Variants in MYO1B observed in about 807,000 individuals in gnomAD.
MYO1B encodes unconventional myosin-Ib.
A neutral mutation model predicts 159.7 loss-of-function variants in MYO1B; 72 were observed. The observed-to-expected ratio is 0.45, with a 90% CI of 0.37 to 0.55. The LOEUF is 0.55. Ranked by LOEUF, MYO1B falls within the 20% of genes least tolerant of loss-of-function variation. MYO1B has a pLI of 0.00. For missense variants in MYO1B, 1,062 were observed against 1,364.8 expected, an observed-to-expected ratio of 0.78 and a Z score of 3.50; for synonymous variants, 468 against 473.8, an observed-to-expected ratio of 0.99 and a Z score of 0.16.
chr2:191,348,285 G>A (rs1046491678), intron 6 of MYO1B, among the ~76,000 whole-genome samples: 3 of 151,970 alleles, frequency 2.0e-5, no homozygotes, highest in Non-Finnish European at 2.9e-5. Flanking sequence ...ATGATGTTAC[G>A]CCTACTTCAC....
At chr2:191,374,426 A>G (rs1262320540) in intron 13 of MYO1B, among the ~76,000 whole-genome samples, 3 of 152,210 alleles carry the variant, frequency 2.0e-5, no homozygotes, top group East Asian at 3.8e-4. Context: ...ACTGGACACT[A>G]AAGGGCGAGA....
intron 7 of MYO1B, among the ~76,000 whole-genome samples, chr2:191,351,188 TAAA>T (rs78654761): frequency 5.7e-5 from 8 of 139,454 alleles, no homozygotes; most frequent in Non-Finnish European, 1.1e-4. Flanking sequence ...TGTTTAGACC[TAAA>T]AAAAAAAAAA....
intron 3 of MYO1B, among the ~76,000 whole-genome samples, chr2:191,297,219 G>T (rs1689036013): frequency 6.6e-6 from 1 of 152,178 alleles, no homozygotes; most frequent in Non-Finnish European, 1.5e-5. Context: ...TTCTCCGCTT[G>T]TTGCTTAGGC....
In MYO1B at chr2:191,386,096, C is replaced by T; in HGVS notation, c.1554+12C>T. 1 of 1,613,222 alleles carries T rather than the reference C, an allele frequency of 6.2e-7. No homozygotes were observed. The highest frequency in any genetic ancestry group is 8.5e-7 in the Non-Finnish European group (1 of 1,179,462). On this transcript the variant is annotated intron_variant, in intron 16 of 30. Transcript: ENST00000392318. ...ATTATGCTGGAAAGGTATGGGGGAGCTGTGAGCACCCAGTCAGGCCTGCCA... is the reference window on the plus strand; with the variant it reads ...ATTATGCTGGAAAGGTATGGGGGAGTTGTGAGCACCCAGTCAGGCCTGCCA...
intron 1 of MYO1B, among the ~76,000 whole-genome samples, chr2:191,269,593 T>C (rs1366908559): frequency 6.6e-6 from 1 of 152,204 alleles, no homozygotes; most frequent in Non-Finnish European, 1.5e-5. Flanking sequence ...TAATGCTGGC[T>C]GAAAGGCACT....
chr2:191,360,826 C>G, intron 8 of MYO1B, 97 bp downstream of exon 8: 1 of 819,980 alleles, frequency 1.2e-6, no homozygotes, highest in Non-Finnish European at 2.0e-6. Flanking sequence ...AGGCCGGTCT[C>G]TAATTCCTGA....
At chr2:191,343,380 T>G (rs928577171) in intron 5 of MYO1B, among the ~76,000 whole-genome samples, 1 of 152,076 alleles carries the variant, frequency 6.6e-6, no homozygotes, top group Non-Finnish European at 1.5e-5. Context: ...TCCCGAACAC[T>G]GAGTATTCAC....
intron 13 of MYO1B, chr2:191,381,260 C>T: frequency 1.6e-6 from 1 of 640,016 alleles, no homozygotes; most frequent in Non-Finnish European, 2.9e-6. Flanking sequence ...TTTGTGTATA[C>T]TTCATTCATT....
At chr2:191,306,679 GAGAGGGAGAAAGGGGGATC>G (rs1276199851) in intron 3 of MYO1B, among the ~76,000 whole-genome samples, 2 of 151,986 alleles carry the variant, frequency 1.3e-5, no homozygotes, top group African/African-American at 2.4e-5. Context: ...AAGGTGAAGA[GAGAGGGAGAAAGGGGGATC>G]AGAGGGAGAA....
intron 11 of MYO1B, among the ~76,000 whole-genome samples, chr2:191,368,472 G>A (rs1004917123): frequency 2.6e-5 from 4 of 152,182 alleles, no homozygotes; most frequent in Admixed American, 6.5e-5. Context: ...CTGGGCACTC[G>A]GTGCATTTAA....
chr2:191,278,586 T>A (rs1263135535), intron 2 of MYO1B, among the ~76,000 whole-genome samples: 1 of 152,156 alleles, frequency 6.6e-6, no homozygotes, highest in Non-Finnish European at 1.5e-5. Flanking sequence ...GCTTTTGGAG[T>A]CTTAATTGGA....
intron 24 of MYO1B, among the ~76,000 whole-genome samples, chr2:191,403,477 C>G (rs1258234073): frequency 6.6e-6 from 1 of 152,120 alleles, no homozygotes; most frequent in Admixed American, 6.5e-5. Flanking sequence ...AGGAAGCCAT[C>G]CATATTGCCT....
chr2:191,327,630 G>A (rs1051829194), intron 3 of MYO1B, among the ~76,000 whole-genome samples: 3 of 152,180 alleles, frequency 2.0e-5, no homozygotes, highest in African/African-American at 4.8e-5. Flanking sequence ...ATTATGCAAT[G>A]GTGCACAGAC....
rs559612036 is a variant in MYO1B at position 191,259,175 on chromosome 2, T to A, written c.-10+13549T>A. On this transcript the variant is annotated intron_variant, in intron 1 of 30. Coordinates refer to ENST00000392318, the MANE Select transcript of MYO1B (RefSeq NM_001130158.3). ...GTTGGGAGCCCAGTTTTGCAGCTGT[T>A]GATATGTCCAGTTGGATTTCTTGAA... is the stretch of plus-strand genomic sequence containing the variant. Among the ~76,000 whole-genome samples the A allele has an allele frequency of 9.1e-4, 138 of 152,338 alleles. 1 individual carries two copies. The highest frequency in any genetic ancestry group is 3.3e-3 in the African/African-American group (136 of 41,576).
chr2:191,402,314 G>A (rs1017815322), intron 23 of MYO1B: 1 of 346,284 alleles, frequency 2.9e-6, no homozygotes, highest in Admixed American at 4.4e-5. Flanking sequence ...GGGAGTGAAA[G>A]AGTGTGGAGA....
At chr2:191,413,712 A>T (rs1697388767) in intron 27 of MYO1B, among the ~76,000 whole-genome samples, 1 of 152,198 alleles carries the variant, frequency 6.6e-6, no homozygotes, top group Admixed American at 6.5e-5. Context: ...AACAGATTAG[A>T]AGAAATTGCC....
At chr2:191,353,294 TTG>T (rs1693039861) in intron 7 of MYO1B, among the ~76,000 whole-genome samples, 1 of 152,170 alleles carries the variant, frequency 6.6e-6, no homozygotes, top group African/African-American at 2.4e-5. Context: ...GTTTTTGTAT[TTG>T]GGGATTTTGC....
At chr2:191,246,715 G>A (rs575031658) in intron 1 of MYO1B, among the ~76,000 whole-genome samples, 36 of 152,290 alleles carry the variant, frequency 2.4e-4, no homozygotes, top group Non-Finnish European at 4.4e-4. Flanking sequence ...TTGTTTTATA[G>A]TATAATATAG....
chr2:191,419,911 C>CA (rs776882917), intron 30 of MYO1B, among the ~76,000 whole-genome samples: 43 of 152,052 alleles, frequency 2.8e-4, no homozygotes, highest in South Asian at 8.3e-4. Flanking sequence ...ACAAAAGAGC[C>CA]AAAAAACAGC....
Sources: gnomAD v4.1 joint callset for allele counts (sites outside exome capture counted in the v4.1 genomes callset) on GRCh38, gnomAD v4.1.1 for gene constraint, MANE v1.5 for transcripts, NCBI Gene and HGNC (gene_info 2026-07-23, HGNC 2026-07-21) for gene names.